The following ATP5MG variants were observed in gnomAD, a reference collection of about 807,000 sequenced individuals.
ATP5MG encodes the protein ATP synthase membrane subunit g, also known as ATP synthase F(0) complex subunit g, mitochondrial.
Under a neutral mutation model 12.7 loss-of-function variants are expected in ATP5MG, and 7 were observed. The observed-to-expected ratio is 0.55, with a 90% CI of 0.31 to 1.04. ATP5MG has a LOEUF of 1.04. ATP5MG is among the 50% of genes least tolerant of loss of function. ATP5MG has a pLI of 0.05. For missense variants in ATP5MG, 116 were observed against 126.7 expected, an observed-to-expected ratio of 0.92 and a Z score of 0.41; for synonymous variants, 53 against 48.2, an observed-to-expected ratio of 1.10 and a Z score of -0.41.
At chr11:118,407,460 A>G (rs1028500298) in intron 2 of ATP5MG, 7 of 195,800 alleles carry the variant, frequency 3.6e-5, no homozygotes, top group African/African-American at 1.7e-4. Flanking sequence ...AATTCAGCCA[A>G]AACATCTCTT....
chr11:118,408,068 A>G (rs1555132424), intron 2 of ATP5MG, among the ~76,000 whole-genome samples: 1 of 152,188 alleles, frequency 6.6e-6, no homozygotes, highest in East Asian at 1.9e-4. Context: ...AGGCTGAGGC[A>G]GGAGAATGGC....
intron 1 of ATP5MG, among the ~76,000 whole-genome samples, chr11:118,404,196 C>T (rs978377198): frequency 5.3e-5 from 8 of 152,148 alleles, no homozygotes; most frequent in Non-Finnish European, 7.4e-5. Flanking sequence ...CTGACTATAT[C>T]TGTTAATTCC....
intron 2 of ATP5MG, among the ~76,000 whole-genome samples, chr11:118,408,626 C>G (rs1948992156): frequency 6.6e-6 from 1 of 152,162 alleles, no homozygotes; most frequent in African/African-American, 2.4e-5. Context: ...AGAGACTCGG[C>G]CTTCCTATAG....
At chr11:118,406,715 C>T in intron 1 of ATP5MG, 1 of 590,142 alleles carries the variant, frequency 1.7e-6, no homozygotes, top group Non-Finnish European at 2.9e-6. Context: ...CTTATAGCAT[C>T]CTGCCTGATT....
intron 2 of ATP5MG, 115 bp downstream of exon 2, chr11:118,407,212 T>C (rs1555132273): frequency 6.9e-7 from 1 of 1,440,118 alleles, no homozygotes; most frequent in African/African-American, 1.4e-5. Flanking sequence ...TCCAGCATAA[T>C]GAGGAAAAAA....
intron 1 of ATP5MG, chr11:118,406,658 T>C (rs2134128104): frequency 2.6e-6 from 1 of 382,210 alleles, no homozygotes; most frequent in East Asian, 5.0e-5. Context: ...ATAAATGAAG[T>C]ACAGTACTAG....
chr11:118,408,074 A>G (rs1555132425), intron 2 of ATP5MG, among the ~76,000 whole-genome samples: 1 of 152,104 alleles, frequency 6.6e-6, no homozygotes, highest in African/African-American at 2.4e-5. Context: ...AGGCAGGAGA[A>G]TGGCAAGAAC....
intron 1 of ATP5MG, among the ~76,000 whole-genome samples, chr11:118,404,416 A>G (rs548748687): frequency 2.6e-5 from 4 of 152,332 alleles, no homozygotes; most frequent in Non-Finnish European, 5.9e-5. Context: ...GGTCTGGGAC[A>G]GTTTCCCAGT....
At chr11:118,407,298 T>A in intron 2 of ATP5MG, 1 of 809,172 alleles carries the variant, frequency 1.2e-6, no homozygotes, top group Non-Finnish European at 1.8e-6. Context: ...ATTTTATGTC[T>A]TAGTTTCCTA....
intron 1 of ATP5MG, among the ~76,000 whole-genome samples, chr11:118,405,939 T>C (rs1948968134): frequency 6.6e-6 from 1 of 152,224 alleles, no homozygotes; most frequent in African/African-American, 2.4e-5. Context: ...CTTGGCTCAC[T>C]GCAACCTCTG....
rs1555131105 is a variant in ATP5MG, at chr11:118,401,735, C to A, written c.52+18C>A. ...GGTGAACGGTGAGCGCGATGTGAGA[C>A]CGCCGAGGCGGGCACACGGGCGGCA... On this transcript the variant is annotated intron_variant, in intron 1 of 2. Coordinates refer to ENST00000300688, the MANE Select transcript of ATP5MG (RefSeq NM_006476.5). 8 of 1,608,686 alleles carry A rather than the reference C, an allele frequency of 5.0e-6. No homozygotes were observed. Among genetic ancestry groups the A allele is most frequent in the Non-Finnish European group, 5.1e-6 (6 of 1,176,134 alleles).
chr11:118,401,954 T>C, intron 1 of ATP5MG: 4 of 506,390 alleles, frequency 7.9e-6, no homozygotes, highest in Non-Finnish European at 1.4e-5. Flanking sequence ...TAACCACGAC[T>C]GGGAAGAGAG....
chr11:118,409,168 C>A lies in ATP5MG; in HGVS notation c.*70C>A. 9.9e-7 allele frequency: 1 copy of A among 1,012,102 alleles called. No homozygotes were observed. The highest frequency in any genetic ancestry group is 2.4e-5 in the Admixed American group (1 of 42,072). 62.7% of individuals were successfully genotyped at this position (1,012,102 alleles called of 1,614,324 possible). A position where few individuals can be genotyped will look rare whatever the true frequency, so the allele number is the denominator to read the frequency against. On this transcript the variant is annotated 3_prime_UTR_variant, in exon 3 of 3. Coordinates refer to ENST00000300688, the MANE Select transcript of ATP5MG (RefSeq NM_006476.5). ...TGTTGTTGGACCATGTGTGATCAGACTGCTATCTGAATAAAATAAGATTTG... is the reference window on the plus strand; with the variant it reads ...TGTTGTTGGACCATGTGTGATCAGAATGCTATCTGAATAAAATAAGATTTG...
Position 118,408,691 on chromosome 11 carries a change from A to G in ATP5MG, c.214-309A>G, listed in dbSNP as rs550203191. Among the ~76,000 whole-genome samples, 4 of 152,274 alleles carry G rather than the reference A, an allele frequency of 2.6e-5. No individual in the cohort carries two copies. The South Asian group carries it at 8.3e-4, about 32-fold the overall frequency. Reference sequence around the variant, plus strand: ...CAGGATGTGGATTGTTTTAGGGCTCATAAAGTGTCTCATAAACTTATAATG... The same window carrying G: ...CAGGATGTGGATTGTTTTAGGGCTCGTAAAGTGTCTCATAAACTTATAATG... On this transcript the variant is annotated intron_variant, in intron 2 of 2. Coordinates refer to ENST00000300688, the MANE Select transcript of ATP5MG (RefSeq NM_006476.5).
At chr11:118,406,731 T>C in intron 1 of ATP5MG, 1 of 663,792 alleles carries the variant, frequency 1.5e-6, no homozygotes. Context: ...TGATTGAACA[T>C]CCCTGTGGCA....
intron 1 of ATP5MG, chr11:118,405,543 A>G (rs545444533): frequency 4.7e-5 from 26 of 554,874 alleles, no homozygotes; most frequent in Non-Finnish European, 5.7e-5. Flanking sequence ...GTTTATGTAC[A>G]GTATACTGAT....
Position 118,409,338 on chromosome 11 carries a change from G to C in ATP5MG, c.*240G>C, listed in dbSNP as rs1948998408. Reference sequence around the variant, plus strand: ...GGATATATGTGGCAATATTAACCTGGTACATGAATATATGGGGATAACATT... The same window carrying C: ...GGATATATGTGGCAATATTAACCTGCTACATGAATATATGGGGATAACATT... On this transcript the variant is annotated 3_prime_UTR_variant, in exon 3 of 3. Transcript: ENST00000300688. 1 of 218,486 alleles carries C rather than the reference G, an allele frequency of 4.6e-6. No individual in the cohort carries two copies. Among genetic ancestry groups the C allele is most frequent in the Non-Finnish European group, 9.0e-6 (1 of 110,706 alleles). The allele number at this position is 218,486 out of a possible 1,614,324, so 13.5% of individuals were successfully genotyped here.
intron 1 of ATP5MG, among the ~76,000 whole-genome samples, chr11:118,405,967 A>G (rs1267955528): frequency 6.6e-6 from 1 of 152,180 alleles, no homozygotes; most frequent in Admixed American, 6.5e-5. Context: ...TGTTCAAGCA[A>G]TTCTTGTGCC....
At chr11:118,402,204 C>G (rs1331589893) in intron 1 of ATP5MG, among the ~76,000 whole-genome samples, 3 of 152,168 alleles carry the variant, frequency 2.0e-5, no homozygotes, top group African/African-American at 7.2e-5. Flanking sequence ...ACTTTGCTTT[C>G]TGTCCTAGAC....
Sources: allele counts gnomAD v4.1 joint callset (sites outside exome capture counted in the v4.1 genomes callset), GRCh38; gene constraint gnomAD v4.1.1; transcripts MANE v1.5; gene names NCBI Gene and HGNC (gene_info 2026-07-23, HGNC 2026-07-21).